TRAK1: variants seen among roughly 807,000 people sequenced by gnomAD.
The protein encoded by TRAK1 is trafficking kinesin protein 1, also known as trafficking kinesin-binding protein 1.
In TRAK1, 33 loss-of-function variants were observed where a neutral mutation model predicts 92.1. The ratio of observed to expected loss-of-function variants is 0.36; its 90% CI spans 0.27 to 0.48. The LOEUF is 0.48. Ranked by LOEUF, TRAK1 falls within the 20% of genes least tolerant of loss-of-function variation. The pLI is 0.99. For missense variants in TRAK1, 1,123 were observed against 1,257.9 expected, an observed-to-expected ratio of 0.89 and a Z score of 1.62; for synonymous variants, 521 against 517.3, an observed-to-expected ratio of 1.01 and a Z score of -0.10.
intron 2 of TRAK1, among the ~76,000 whole-genome samples, chr3:42,140,879 G>C (rs1160148893): frequency 6.6e-6 from 1 of 152,206 alleles, no homozygotes; most frequent in East Asian, 1.9e-4. Flanking sequence ...GAGTCTGGAA[G>C]CAGGTTCCAG....
intron 2 of TRAK1, among the ~76,000 whole-genome samples, chr3:42,143,825 A>G (rs1193785511): frequency 6.6e-6 from 1 of 152,192 alleles, no homozygotes; most frequent in Non-Finnish European, 1.5e-5. Context: ...GATGTCAGAT[A>G]GACTTGGATT....
At chr3:42,140,390 G>A (rs1025101377) in intron 2 of TRAK1, among the ~76,000 whole-genome samples, 1 of 152,220 alleles carries the variant, frequency 6.6e-6, no homozygotes, top group African/African-American at 2.4e-5. Flanking sequence ...AGCATTTTGG[G>A]AGGCTGAGGC....
chr3:42,212,121 A>C, intron 14 of TRAK1: 1 of 985,460 alleles, frequency 1.0e-6, no homozygotes, highest in Non-Finnish European at 1.2e-6. Flanking sequence ...CATATCGCTA[A>C]GTAAATCATC....
Position 42,155,573 on chromosome 3 carries a change from A to G in TRAK1, c.287-21241A>G, listed in dbSNP as rs557078346. 5.3e-5 allele frequency among the ~76,000 whole-genome samples: 8 copies of G among 152,292 alleles called. No homozygotes were observed. In the South Asian group the frequency reaches 1.2e-3, roughly 24 times the overall value. On this transcript the variant is annotated intron_variant, in intron 2 of 15. Transcript: ENST00000327628. ...GAGGTGTGGTGGGAAGCCAGGCTGG[A>G]AGCAGAGGCTGCAGGGGAGATGCAG...
intron 2 of TRAK1, among the ~76,000 whole-genome samples, chr3:42,158,622 A>C (rs1700839419): frequency 6.7e-6 from 1 of 150,152 alleles, no homozygotes; most frequent in Admixed American, 6.6e-5. Flanking sequence ...ACATGGTAAA[A>C]TACAGCTCTA....
chr3:42,066,069 T>G (rs1414763539), intron 1 of TRAK1, among the ~76,000 whole-genome samples: 2 of 152,212 alleles, frequency 1.3e-5, no homozygotes, highest in African/African-American at 4.8e-5. Context: ...CTCACGCCTG[T>G]GATCCCAGCA....
intron 1 of TRAK1, among the ~76,000 whole-genome samples, chr3:42,067,773 T>C (rs1703739922): frequency 6.7e-6 from 1 of 148,788 alleles, no homozygotes; most frequent in Non-Finnish European, 1.5e-5. Flanking sequence ...TAGGTTGATA[T>C]TGATATGTTT....
intron 1 of TRAK1, among the ~76,000 whole-genome samples, chr3:42,055,208 C>T (rs1002101102): frequency 3.9e-5 from 6 of 152,140 alleles, no homozygotes; most frequent in African/African-American, 1.4e-4. Context: ...GAGTGAGCCA[C>T]TGCACCCAGC....
At chr3:42,031,298 A>G (rs574875834) in intron 1 of TRAK1, among the ~76,000 whole-genome samples, 1 of 151,732 alleles carries the variant, frequency 6.6e-6, no homozygotes, top group Admixed American at 6.6e-5. Flanking sequence ...CGACCTCCCA[A>G]AGTGCTGGGA....
chr3:42,130,584 C>A (rs1697061783), intron 2 of TRAK1, among the ~76,000 whole-genome samples: 1 of 152,100 alleles, frequency 6.6e-6, no homozygotes, highest in South Asian at 2.1e-4. Context: ...AAAAACATCT[C>A]CTGGACTATT....
At position 42,219,572 on chromosome 3, in the gene TRAK1, A is replaced by G; in HGVS notation, c.2042A>G (p.Asp681Gly). ...FTTCRILHPS[D>G]ELTRVTPSLN... ...ACCTGTCGCATCCTGCATCCTTCAGATGAGCTCACTCGGGTCACACCAAGG... is the reference window on the plus strand; with the variant it reads ...ACCTGTCGCATCCTGCATCCTTCAGGTGAGCTCACTCGGGTCACACCAAGG... The change falls in exon 15 of 16, where the codon GAT (aspartate) becomes GGT (glycine). Residue 681 changes from aspartate to glycine, a missense_variant. Asp to Gly is a moderately conservative substitution (Grantham distance 94, BLOSUM62 -1). Coordinates refer to ENST00000327628, the MANE Select transcript of TRAK1 (RefSeq NM_001042646.3). 1 of 1,399,362 alleles carries G rather than the reference A, an allele frequency of 7.1e-7. No homozygotes were observed. The highest frequency in any genetic ancestry group is 9.6e-7 in the Non-Finnish European group (1 of 1,043,782). 86.7% of individuals were successfully genotyped at this position (1,399,362 alleles called of 1,614,324 possible).
intron 2 of TRAK1, among the ~76,000 whole-genome samples, chr3:42,146,665 C>T (rs977723890): frequency 4.6e-5 from 7 of 152,188 alleles, no homozygotes; most frequent in African/African-American, 1.4e-4. Flanking sequence ...GGTGATCCTC[C>T]AGCTTCAGCC....
intron 13 of TRAK1, among the ~76,000 whole-genome samples, chr3:42,205,318 A>G (rs1254781986): frequency 6.6e-6 from 1 of 152,088 alleles, no homozygotes; most frequent in African/African-American, 2.4e-5. Flanking sequence ...CATAATCACC[A>G]GCAGCCCAGG....
At chr3:42,140,110 A>T (rs993374344) in intron 2 of TRAK1, among the ~76,000 whole-genome samples, 2 of 152,124 alleles carry the variant, frequency 1.3e-5, no homozygotes, top group African/African-American at 2.4e-5. Context: ...CGAGGCCAGG[A>T]TGCACGTTGG....
chr3:42,189,849 A>G (rs1011401117), intron 6 of TRAK1, among the ~76,000 whole-genome samples: 1 of 152,134 alleles, frequency 6.6e-6, no homozygotes, highest in African/African-American at 2.4e-5. Context: ...TATTTCTTAA[A>G]CAATTAACTC....
chr3:42,042,604 C>A lies in TRAK1; in HGVS notation c.-519+28487C>A, dbSNP rs546294208. On this transcript the variant is annotated intron_variant, in intron 1 of 16. Coordinates refer to the TRAK1 transcript ENST00000487159. ...CAGGTTGGTCTTGAACTCTTGGTCT[C>A]AAGTGATCTGCCCGCCTTGGCCTCC... 4.6e-5 allele frequency among the ~76,000 whole-genome samples: 7 copies of A among 152,246 alleles called. No homozygotes were observed. The East Asian group carries it at 1.2e-3, about 25-fold the overall frequency.
At chr3:42,201,127 G>A in intron 12 of TRAK1, 73 bp downstream of exon 12, 1 of 1,500,154 alleles carries the variant, frequency 6.7e-7, no homozygotes, top group South Asian at 1.1e-5. Context: ...TGCAGGCTCA[G>A]TAATTATTAA....
chr3:42,074,355 T>C (rs376338929), intron 1 of TRAK1, among the ~76,000 whole-genome samples: 56 of 152,312 alleles, frequency 3.7e-4, no homozygotes, highest in African/African-American at 1.2e-3. Context: ...AAAGAGCACA[T>C]GTTGGTCTCA....
At chr3:42,176,762 T>G (rs1449865945) in intron 2 of TRAK1, 52 bp from the exon 3 acceptor site, 2 of 1,545,410 alleles carry the variant, frequency 1.3e-6, no homozygotes, top group Non-Finnish European at 1.8e-6. Context: ...GAGTCATTTG[T>G]TTGGCAGGTT....
Sources: gnomAD v4.1 joint callset for allele counts (sites outside exome capture counted in the v4.1 genomes callset) on GRCh38, gnomAD v4.1.1 for gene constraint, MANE v1.5 for transcripts, NCBI Gene and HGNC (gene_info 2026-07-23, HGNC 2026-07-21) for gene names.